RALYL: variants seen among roughly 807,000 people sequenced by gnomAD.
RALYL encodes RALY RNA binding protein like.
In RALYL, 29 loss-of-function variants were observed where a neutral mutation model predicts 35.1. That is an observed-to-expected ratio of 0.83 (90% CI 0.61 to 1.13). The LOEUF is 1.13. RALYL is among the 50% of genes most tolerant of loss of function. RALYL has a pLI of 0.00. For missense variants in RALYL, 359 were observed against 360.4 expected (o/e 1.00, Z 0.03); for synonymous variants, 120 against 127.6 (o/e 0.94, Z 0.40).
At chr8:84,769,374 ATC>A (rs1814872203) in intron 2 of RALYL, among the ~76,000 whole-genome samples, 1 of 152,150 alleles carries the variant, frequency 6.6e-6, no homozygotes, top group Non-Finnish European at 1.5e-5. Context: ...GTTTCTAATG[ATC>A]TTCTCACACC....
At chr8:84,651,018 C>G (rs1828686571) in intron 2 of RALYL, among the ~76,000 whole-genome samples, 1 of 151,676 alleles carries the variant, frequency 6.6e-6, no homozygotes, top group African/African-American at 2.4e-5. Context: ...GGGAATTGAA[C>G]AATGAGAACA....
intron 3 of RALYL, among the ~76,000 whole-genome samples, chr8:84,779,278 G>T (rs1817555869): frequency 6.6e-6 from 1 of 152,194 alleles, no homozygotes; most frequent in African/African-American, 2.4e-5. Context: ...GAGAATAATT[G>T]TATGATGGTT....
At chr8:84,693,182 GT>G (rs1272391713) in intron 2 of RALYL, among the ~76,000 whole-genome samples, 1 of 151,952 alleles carries the variant, frequency 6.6e-6, no homozygotes, top group Non-Finnish European at 1.5e-5. Context: ...CTGGCTGGCT[GT>G]TGGGGATAAA....
intron 1 of RALYL, among the ~76,000 whole-genome samples, chr8:84,445,105 A>G (rs1405521078): frequency 5.3e-5 from 8 of 152,116 alleles, no homozygotes; most frequent in Admixed American, 3.3e-4. Context: ...TGATGCTCCA[A>G]GTGTTACTAG....
At chr8:84,744,122 A>G (rs1437126055) in intron 2 of RALYL, among the ~76,000 whole-genome samples, 1 of 152,048 alleles carries the variant, frequency 6.6e-6, no homozygotes, top group Non-Finnish European at 1.5e-5. Context: ...ACAATTTTTA[A>G]AAAATAAAAA....
intron 2 of RALYL, among the ~76,000 whole-genome samples, chr8:84,548,336 G>A (rs2135387733): frequency 6.6e-6 from 1 of 152,080 alleles, no homozygotes; most frequent in African/African-American, 2.4e-5. Flanking sequence ...TCTGTCGCAT[G>A]TTTACAGATA....
At chr8:84,595,187 T>C (rs2130625334) in intron 2 of RALYL, among the ~76,000 whole-genome samples, 1 of 152,284 alleles carries the variant, frequency 6.6e-6, no homozygotes. Flanking sequence ...AATTCTGCCA[T>C]GATGTCTTTT....
intron 1 of RALYL, among the ~76,000 whole-genome samples, chr8:84,375,954 T>C (rs1856830842): frequency 6.6e-6 from 1 of 151,852 alleles, no homozygotes; most frequent in Non-Finnish European, 1.5e-5. Flanking sequence ...ACTGGTGGAC[T>C]CAAATAAGCA....
intron 2 of RALYL, among the ~76,000 whole-genome samples, chr8:84,635,399 T>G (rs1302601935): frequency 6.6e-6 from 1 of 151,732 alleles, no homozygotes; most frequent in African/African-American, 2.4e-5. Flanking sequence ...ATGAAAAAGT[T>G]TCCAGGCTTT....
At chr8:84,362,317 G>T (rs1197090229) in intron 1 of RALYL, among the ~76,000 whole-genome samples, 1 of 152,124 alleles carries the variant, frequency 6.6e-6, no homozygotes, top group East Asian at 1.9e-4. Flanking sequence ...CACCAAGATT[G>T]AAGTGAATTG....
chr8:84,468,136 C>A (rs2052020574), intron 1 of RALYL, among the ~76,000 whole-genome samples: 1 of 151,816 alleles, frequency 6.6e-6, no homozygotes, highest in African/African-American at 2.4e-5. Context: ...GAATTTAGTG[C>A]ATTTACATTT....
In RALYL at chr8:84,490,743, T is replaced by G. The variant is rs553832253; in HGVS notation, c.-23-38556T>G. Among the ~76,000 whole-genome samples, 27 of 151,262 alleles carry G rather than the reference T, an allele frequency of 1.8e-4. No homozygotes were observed. The East Asian group carries it at 5.1e-3, about 28-fold the overall frequency. On this transcript the variant is annotated intron_variant, in intron 1 of 8. Coordinates refer to ENST00000521268, the MANE Select transcript of RALYL (RefSeq NM_173848.7). Reference sequence around the variant, plus strand: ...TATTATTATTATTATACTTTTAAGTTTTTGATTGAGGGTGAATCAGAGAGG... The same window carrying G: ...TATTATTATTATTATACTTTTAAGTGTTTGATTGAGGGTGAATCAGAGAGG...
intron 2 of RALYL, among the ~76,000 whole-genome samples, chr8:84,533,970 T>C (rs748094299): frequency 6.6e-6 from 1 of 152,246 alleles, no homozygotes; most frequent in African/African-American, 2.4e-5. Flanking sequence ...CCCAACTGTT[T>C]TGCATCCAGA....
intron 3 of RALYL, among the ~76,000 whole-genome samples, chr8:84,783,444 A>G (rs545194429): frequency 1.3e-5 from 2 of 152,334 alleles, no homozygotes; most frequent in Admixed American, 1.3e-4. Context: ...CATATTTTCA[A>G]TATAATCAAC....
chr8:84,337,613 A>G (rs1848045420), intron 1 of RALYL, among the ~76,000 whole-genome samples: 1 of 152,120 alleles, frequency 6.6e-6, no homozygotes, highest in Non-Finnish European at 1.5e-5. Flanking sequence ...ATTAAATGTG[A>G]CATGTTTTTT....
chr8:84,815,467 T>TTA lies in RALYL; in HGVS notation c.365+10665_365+10666insTA, dbSNP rs1437597017. Reference sequence around the variant, plus strand: ...TTATAAATACATAATACTGAATGTTTATATTATTATAAATAAAATATATTT... The same window carrying TTA: ...TTATAAATACATAATACTGAATGTTTTAATATTATTATAAATAAAATATATTT... On this transcript the variant is annotated intron_variant, in intron 4 of 8. Transcript: ENST00000521268. Among the ~76,000 whole-genome samples, 27 of 148,172 alleles carry TTA rather than the reference T, an allele frequency of 1.8e-4. No homozygotes were observed. In the South Asian group the frequency reaches 5.7e-3, roughly 31 times the overall value.
chr8:84,741,510 T>C (rs936299204), intron 2 of RALYL, among the ~76,000 whole-genome samples: 6 of 152,048 alleles, frequency 3.9e-5, no homozygotes, highest in Non-Finnish European at 8.8e-5. Context: ...TTGAATGCTG[T>C]GGACTCACAT....
At chr8:84,508,049 C>T (rs764877654) in intron 1 of RALYL, among the ~76,000 whole-genome samples, 1 of 152,032 alleles carries the variant, frequency 6.6e-6, no homozygotes, top group Admixed American at 6.6e-5. Flanking sequence ...TTTTCACTAT[C>T]ATTGTAAAGG....
chr8:84,908,296 TCTCAAAAAACTTA>T (rs1485067817), intron 8 of RALYL, among the ~76,000 whole-genome samples: 9 of 152,144 alleles, frequency 5.9e-5, no homozygotes, highest in Non-Finnish European at 1.0e-4. Flanking sequence ...GTGCAATAGA[TCTCAAAAAACTTA>T]CTCCTCCTCT....
Sources: gnomAD v4.1 joint callset for allele counts (sites outside exome capture counted in the v4.1 genomes callset) on GRCh38, gnomAD v4.1.1 for gene constraint, MANE v1.5 for transcripts, NCBI Gene and HGNC (gene_info 2026-07-23, HGNC 2026-07-21) for gene names.